The following TATDN2 variants were observed in gnomAD, a reference collection of about 807,000 sequenced individuals.
TATDN2 encodes TatD DNase domain containing 2.
A neutral mutation model predicts 60.3 loss-of-function variants in TATDN2; 44 were observed. The ratio of observed to expected loss-of-function variants is 0.73; its 90% CI spans 0.57 to 0.94. TATDN2 has a LOEUF of 0.94. Among genes scored for constraint, TATDN2 ranks in the 40% least tolerant of loss-of-function variants. TATDN2 has a pLI of 0.00. For synonymous variants in TATDN2, 399 were observed against 355.8 expected, an observed-to-expected ratio of 1.12 and a Z score of -1.37; for missense variants, 997 against 948.0, an observed-to-expected ratio of 1.05 and a Z score of -0.68.
In TATDN2 at chr3:10,278,966, C is replaced by T; in HGVS notation, c.2227C>T (p.Pro743Ser). Residue 743 changes from proline (P) to serine (S), a missense_variant, in exon 7 of 8, where the codon CCA becomes TCA. Pro to Ser is a moderately conservative substitution (Grantham distance 74). Transcript: ENST00000448281. This position sits in a 1 kb window ranked among gnomAD's most constrained non-coding sequence, Gnocchi z 4.7. ...VREIARVKDQ[P>S]LSLTLAALRE... ...AGAGATTGCCAGAGTCAAAGATCAG[C>T]CACTCTCCCTCACCTTGGCTGCCTT... 6.2e-7 allele frequency: 1 copy of T among 1,614,176 alleles called. No homozygotes were observed. Among genetic ancestry groups the T allele is most frequent in the East Asian group, 2.2e-5 (1 of 44,892 alleles).
At chr3:10,257,637 G>A (rs770877857) in intron 2 of TATDN2, among the ~76,000 whole-genome samples, 35 of 145,542 alleles carry the variant, frequency 2.4e-4, no homozygotes, top group East Asian at 1.6e-3. Flanking sequence ...AAAATGACCC[G>A]TAACCTCCTT....
Position 10,278,173 on chromosome 3 carries a change from CTTTCCAT to C in TATDN2, c.1962-103_1962-97del. ...GTGGAGTCCTTCCCTAGGATGCAGT[CTTTCCAT>C]TTCTGGGAATCATTGAAAAGGGGTG... On this transcript the variant is annotated intron_variant, in intron 5 of 7. Transcript: ENST00000448281. The surrounding 1 kb of genome is among the most constrained non-coding windows in gnomAD (Gnocchi z 4.7). 7.5e-7 allele frequency: 1 copy of C among 1,334,190 alleles called. No homozygotes were observed. The allele number at this position is 1,334,190 out of a possible 1,614,324, so 82.6% of individuals were successfully genotyped here. A position where few individuals can be genotyped will look rare whatever the true frequency, so the allele number is the denominator to read the frequency against.
At chr3:10,261,044 A>G (rs1348717202) in intron 3 of TATDN2, among the ~76,000 whole-genome samples, 1 of 152,184 alleles carries the variant, frequency 6.6e-6, no homozygotes, top group Non-Finnish European at 1.5e-5. Flanking sequence ...CACAGTGTCC[A>G]TCTCTTGGTG....
At position 10,280,186 on chromosome 3, in the gene TATDN2, A is replaced by C. The variant is rs373950455; in HGVS notation, c.*1004A>C. 2.6e-5 allele frequency: 4 copies of C among 153,828 alleles called. No homozygotes were observed. Among genetic ancestry groups the C allele is most frequent in the African/African-American group, 9.7e-5 (4 of 41,450 alleles). The allele number at this position is 153,828 out of a possible 1,614,324, so 9.5% of individuals were successfully genotyped here. A position where few individuals can be genotyped will look rare whatever the true frequency, so the allele number is the denominator to read the frequency against. On this transcript the variant is annotated 3_prime_UTR_variant, in exon 8 of 8. Coordinates refer to ENST00000448281, the MANE Select transcript of TATDN2 (RefSeq NM_014760.4). The stretch of plus-strand genomic sequence containing the variant: ...CGAAGCTCTGCTGGGCAGCTCAGCC[A>C]TGTTACATTGTCTATGCAGAATAAG...
chr3:10,273,312 T>G (rs1399003363), intron 4 of TATDN2, among the ~76,000 whole-genome samples: 1 of 151,026 alleles, frequency 6.6e-6, no homozygotes, highest in African/African-American at 2.4e-5. Flanking sequence ...TTGATGTAAA[T>G]AAAAAATTTG....
chr3:10,279,059 A>C lies in TATDN2; in HGVS notation c.*34A>C. On this transcript the variant is annotated 3_prime_UTR_variant, in exon 7 of 8. Coordinates refer to ENST00000448281, the MANE Select transcript of TATDN2 (RefSeq NM_014760.4). The stretch of plus-strand genomic sequence containing the variant: ...GGTACAGTCCTCGGGAGTCTCCTAG[A>C]AAAGGTCGTAAAACTCACATTCTGT... The C allele has an allele frequency of 6.3e-7, 1 of 1,595,868 alleles. No homozygotes were observed. Among genetic ancestry groups the C allele is most frequent in the Middle Eastern group, 1.7e-4 (1 of 5,964 alleles).
In TATDN2 at chr3:10,269,405, C is replaced by T. The variant is rs190075812; in HGVS notation, c.949-726C>T. 7.2e-5 allele frequency among the ~76,000 whole-genome samples: 11 copies of T among 152,312 alleles called. No homozygotes were observed. In the East Asian group the frequency reaches 2.1e-3, roughly 29 times the overall value. On this transcript the variant is annotated intron_variant, in intron 3 of 7. Transcript: ENST00000448281. Reference sequence around the variant, plus strand: ...GGAGAAGGGTTAAATAATTCGGGGACACGTTTAAAAACTGTCACAATGGCC... The same window carrying T: ...GGAGAAGGGTTAAATAATTCGGGGATACGTTTAAAAACTGTCACAATGGCC...
intron 3 of TATDN2, among the ~76,000 whole-genome samples, chr3:10,268,950 G>C (rs752635507): frequency 4.6e-5 from 7 of 152,212 alleles, no homozygotes; most frequent in African/African-American, 7.2e-5. Context: ...TTTGCTCTCA[G>C]TACTGTGGGT....
At position 10,278,595 on chromosome 3, in the gene TATDN2, C is replaced by T; in HGVS notation, c.2145+133C>T. 2.4e-6 allele frequency: 3 copies of T among 1,243,872 alleles called. No homozygotes were observed. The highest frequency in any genetic ancestry group is 3.5e-5 in the Admixed American group (2 of 56,884). 77.1% of individuals were successfully genotyped at this position (1,243,872 alleles called of 1,614,324 possible). A position where few individuals can be genotyped will look rare whatever the true frequency, so the allele number is the denominator to read the frequency against. ...CCATCCTGGGCTGTGTAGATGCCTC[C>T]TTGCTGTTACTCTGCAGAACCAAAA... is the stretch of plus-strand genomic sequence containing the variant. On this transcript the variant is annotated intron_variant, in intron 6 of 7. Transcript: ENST00000448281. The surrounding 1 kb of genome is among the most constrained non-coding windows in gnomAD (Gnocchi z 4.7).
rs867493122 is a variant in TATDN2 at position 10,259,244 on chromosome 3, G to A, written c.415-893G>A. On this transcript the variant is annotated intron_variant, in intron 2 of 7. Transcript: ENST00000448281. ...CCTCCTGGGTTCAAGCAGTCCACCT[G>A]CCTCGGCTTCCCAAAGTGCTGGATT... 6.6e-5 allele frequency among the ~76,000 whole-genome samples: 10 copies of A among 152,304 alleles called. No homozygotes were observed. In the South Asian group the frequency reaches 2.1e-3, roughly 32 times the overall value.
Position 10,270,888 on chromosome 3 carries a change from G to A in TATDN2, c.1706G>A (p.Arg569His), listed in dbSNP as rs1205495694. Residue 569 changes from arginine to histidine, a missense_variant, in exon 4 of 8, where the codon CGT becomes CAT. Coordinates refer to ENST00000448281, the MANE Select transcript of TATDN2 (RefSeq NM_014760.4). ...TTTGGCTGTCACCCTCATTTTGCAC[G>A]TTACTACAGTGAGAGTCAAGAAAGA... is the stretch of plus-strand genomic sequence containing the variant. ...GAFGCHPHFA[R>H]YYSESQERNL... 3 of 1,614,178 alleles carry A rather than the reference G, an allele frequency of 1.9e-6. No homozygotes were observed. The highest frequency in any genetic ancestry group is 2.5e-6 in the Non-Finnish European group (3 of 1,180,040).
At chr3:10,277,180 CTT>C (rs1698652035) in intron 5 of TATDN2, among the ~76,000 whole-genome samples, 1 of 152,154 alleles carries the variant, frequency 6.6e-6, no homozygotes, top group South Asian at 2.1e-4. Flanking sequence ...TTTCTTTCCT[CTT>C]TTGAACTTGA....
At chr3:10,276,590 TC>T in intron 5 of TATDN2, 102 bp downstream of exon 5, 4 of 1,421,002 alleles carry the variant, frequency 2.8e-6, no homozygotes, top group South Asian at 1.4e-5. Context: ...CACTATCTAT[TC>T]TTTTTTTTTT....
intron 2 of TATDN2, among the ~76,000 whole-genome samples, chr3:10,258,712 C>G (rs2125173700): frequency 6.6e-6 from 1 of 150,932 alleles, no homozygotes; most frequent in Non-Finnish European, 1.5e-5. Flanking sequence ...TCAGGTGATC[C>G]ACTTGCCTCG....
At chr3:10,276,880 C>A (rs1698645846) in intron 5 of TATDN2, among the ~76,000 whole-genome samples, 1 of 152,234 alleles carries the variant, frequency 6.6e-6, no homozygotes, top group Non-Finnish European at 1.5e-5. Context: ...AGCCACCGTG[C>A]CCGGCCTATA....
chr3:10,280,658 A>G lies in TATDN2; in HGVS notation c.*1476A>G. On this transcript the variant is annotated 3_prime_UTR_variant, in exon 8 of 8. Coordinates refer to ENST00000448281, the MANE Select transcript of TATDN2 (RefSeq NM_014760.4). Reference sequence around the variant, plus strand: ...TTAATATTTCCTATCTGGCATTTCCATCTTGCCCCTGGTACACAAGTCACT... The same window carrying G: ...TTAATATTTCCTATCTGGCATTTCCGTCTTGCCCCTGGTACACAAGTCACT... 6.5e-6 allele frequency: 1 copy of G among 153,802 alleles called. No homozygotes were observed. The highest frequency in any genetic ancestry group is 1.9e-4 in the East Asian group (1 of 5,206). 9.5% of individuals were successfully genotyped at this position (153,802 alleles called of 1,614,324 possible).
At chr3:10,259,528 C>T (rs371142014) in intron 2 of TATDN2, among the ~76,000 whole-genome samples, 10 of 152,290 alleles carry the variant, frequency 6.6e-5, no homozygotes, top group East Asian at 5.8e-4. Context: ...GCTTCACTTC[C>T]GTCTTGGAGG....
rs926323674 is a variant in TATDN2 at position 10,278,399 on chromosome 3, G to A, written c.2082G>A (p.Leu694=). The A allele has an allele frequency of 6.8e-6, 11 of 1,614,208 alleles. No homozygotes were observed. The highest frequency in any genetic ancestry group is 8.5e-6 in the Non-Finnish European group (10 of 1,180,032). The change falls in exon 6 of 8, where the codon TTG becomes TTA. Residue 694 remains leucine, a synonymous_variant. Transcript: ENST00000448281. The surrounding 1 kb of genome is among the most constrained non-coding windows in gnomAD (Gnocchi z 4.7). ...CTGCCTGGGAGGCCCGGGAAGCCTT[G>A]AGGCAGATCCCACTGGAGAGAATCA... The part of the protein sequence containing the change: ...YSSAWEAREA[L]RQIPLERIIV...
chr3:10,261,374 T>C (rs948417154), intron 3 of TATDN2, among the ~76,000 whole-genome samples: 14 of 151,548 alleles, frequency 9.2e-5, no homozygotes, highest in Admixed American at 7.2e-4. Flanking sequence ...TCTTTTTTTT[T>C]TTTTTTTTGT....
Sources: allele counts gnomAD v4.1 joint callset (sites outside exome capture counted in the v4.1 genomes callset), GRCh38; gene constraint gnomAD v4.1.1; non-coding constraint Gnocchi (gnomAD v3.1); transcripts MANE v1.5; gene names NCBI Gene and HGNC (gene_info 2026-07-23, HGNC 2026-07-21).